Variants in ANKRD30BL observed in about 807,000 individuals in gnomAD.
ANKRD30BL encodes the protein ankyrin repeat domain 30B like.
In ANKRD30BL, 20 loss-of-function variants were observed where a neutral mutation model predicts 18.4. The ratio of observed to expected loss-of-function variants is 1.09; its 90% CI spans 0.77 to 1.58. ANKRD30BL has a LOEUF of 1.58. Among genes scored for constraint, ANKRD30BL ranks in the 40% most tolerant of loss-of-function variants. The pLI, the probability that ANKRD30BL is intolerant of heterozygous loss-of-function variation, is 0.00. For synonymous variants in ANKRD30BL, 72 were observed against 100.9 expected, an observed-to-expected ratio of 0.71 and a Z score of 1.72; for missense variants, 224 against 268.6, an observed-to-expected ratio of 0.83 and a Z score of 1.16.
intron 1 of ANKRD30BL, among the ~76,000 whole-genome samples, chr2:132,238,580 G>A (rs555053165): frequency 1.3e-4 from 19 of 151,774 alleles, no homozygotes; most frequent in African/African-American, 4.3e-4. Flanking sequence ...GTGGAAACTT[G>A]GTGCTCTTTG....
chr2:132,188,882 A>T (rs1678784450), intron 1 of ANKRD30BL, among the ~76,000 whole-genome samples: 1 of 152,212 alleles, frequency 6.6e-6, no homozygotes, highest in Admixed American at 6.5e-5. Context: ...ATTAAGTCAC[A>T]CTAGACAACT....
intron 1 of ANKRD30BL, among the ~76,000 whole-genome samples, chr2:132,198,325 T>TTTCTTTCTTTC: frequency 5.0e-4 from 1 of 2,000 alleles, no homozygotes; most frequent in South Asian, 0.013. Context: ...TCTTTCTTTC[T>TTTCTTTCTTTC]TTTTTTTTTT....
intron 1 of ANKRD30BL, among the ~76,000 whole-genome samples, chr2:132,195,805 A>G (rs1354650698): frequency 2.8e-5 from 4 of 145,428 alleles, no homozygotes; most frequent in Non-Finnish European, 5.9e-5. Context: ...AAAAAAAAAA[A>G]AAAAAAAGAA....
rs111581260 is a variant in ANKRD30BL, at chr2:132,186,126, C to CAA, written n.442-28982_442-28981dup. On this transcript the variant is annotated intron_variant and non_coding_transcript_variant, in intron 1 of 4. Transcript: ENST00000470729. ...ACCTGGGTGACAGAGCAAGATGTCTCAAAAAAAAAAAGAAAGAAAAATAAA... is the reference window on the plus strand; with the variant it reads ...ACCTGGGTGACAGAGCAAGATGTCTCAAAAAAAAAAAAAGAAAGAAAAATAAA... Among the ~76,000 whole-genome samples the CAA allele has an allele frequency of 4.6e-3, 567 of 123,386 alleles. 10 individuals carry two copies. Among genetic ancestry groups the CAA allele is most frequent in the African/African-American group, 0.016 (535 of 33,808 alleles). The allele number at this position is 123,386 out of a possible 152,430, so 80.9% of individuals were successfully genotyped here.
intron 1 of ANKRD30BL, among the ~76,000 whole-genome samples, chr2:132,201,583 C>G (rs1321294095): frequency 6.6e-6 from 1 of 152,116 alleles, no homozygotes; most frequent in Non-Finnish European, 1.5e-5. Context: ...AAATCAAAAC[C>G]ACAATGAGAT....
At chr2:132,159,125 C>T (rs62161662) in intron 1 of ANKRD30BL, among the ~76,000 whole-genome samples, 16,939 of 129,714 alleles carry the variant, frequency 0.13, 1,154 homozygotes, top group East Asian at 0.32. Flanking sequence ...CTTCAGATAA[C>T]ACAAGACTGT....
At chr2:132,215,296 G>A (rs1448953385) in intron 1 of ANKRD30BL, among the ~76,000 whole-genome samples, 1 of 152,240 alleles carries the variant, frequency 6.6e-6, no homozygotes, top group Non-Finnish European at 1.5e-5. Flanking sequence ...TCTTTTTGTA[G>A]AATCTGTAAG....
chr2:132,161,514 G>A lies in ANKRD30BL; in HGVS notation c.192C>T (p.Asp64=), dbSNP rs755573496. The change falls in exon 1 of 6, where the codon GAC becomes GAT. Residue 64 remains aspartate (D), a synonymous_variant. Transcript: ENST00000409867. ...TCTTCTTCGCATCTCTTATGTTCAG[G>A]TCCATTGTCGTCTTCTTCATCATCC... ...LERMMKKTTM[D]LNIRDAKKRT... 3 of 1,456,670 alleles carry A rather than the reference G, an allele frequency of 2.1e-6. No homozygotes were observed. The highest frequency in any genetic ancestry group is 1.2e-5 in the South Asian group (1 of 82,054). 90.2% of individuals were successfully genotyped at this position (1,456,670 alleles called of 1,614,324 possible).
intron 1 of ANKRD30BL, among the ~76,000 whole-genome samples, chr2:132,175,416 A>G (rs971070241): frequency 2.6e-5 from 4 of 152,252 alleles, no homozygotes; most frequent in Non-Finnish European, 5.9e-5. Context: ...CATTGCTGCC[A>G]ACATGTCTTG....
chr2:132,216,197 TAGAC>T (rs1679494113), intron 1 of ANKRD30BL, among the ~76,000 whole-genome samples: 1 of 151,982 alleles, frequency 6.6e-6, no homozygotes, highest in South Asian at 2.1e-4. Flanking sequence ...ACTTAAATAG[TAGAC>T]AGAAGAATTC....
intron 1 of ANKRD30BL, among the ~76,000 whole-genome samples, chr2:132,232,693 C>T (rs966225007): frequency 6.6e-6 from 1 of 152,048 alleles, no homozygotes; most frequent in African/African-American, 2.4e-5. Flanking sequence ...TGTGAAAAGA[C>T]CAAATCTACT....
intron 1 of ANKRD30BL, among the ~76,000 whole-genome samples, chr2:132,199,577 G>T (rs1318306214): frequency 6.6e-6 from 1 of 151,150 alleles, no homozygotes; most frequent in Admixed American, 6.6e-5. Flanking sequence ...CGGGATCTCG[G>T]CTCACTTCAA....
At chr2:132,184,070 G>A (rs1352207288) in intron 1 of ANKRD30BL, among the ~76,000 whole-genome samples, 6 of 152,054 alleles carry the variant, frequency 3.9e-5, no homozygotes, top group Non-Finnish European at 7.4e-5. Context: ...AGGGGATAAA[G>A]GAATCAAGAT....
intron 1 of ANKRD30BL, among the ~76,000 whole-genome samples, chr2:132,188,635 G>C (rs1444642343): frequency 1.3e-5 from 2 of 152,066 alleles, no homozygotes; most frequent in Non-Finnish European, 2.9e-5. Context: ...GCGTGAACCC[G>C]GGAGGTGGAG....
At chr2:132,222,654 C>T (rs1324381821) in intron 1 of ANKRD30BL, among the ~76,000 whole-genome samples, 2 of 151,578 alleles carry the variant, frequency 1.3e-5, no homozygotes, top group African/African-American at 4.8e-5. Context: ...CATTAAGAGT[C>T]ATCACCACTC....
chr2:132,154,643 A>AT lies in ANKRD30BL; in HGVS notation c.614+18dup, dbSNP rs752264763. Reference sequence around the variant, plus strand: ...TAGCACACTACTCAAGTGTTTTTTAATAAAAAAAACTACTATACCATTTAA... The same window carrying AT: ...TAGCACACTACTCAAGTGTTTTTTAATTAAAAAAAACTACTATACCATTTAA... On this transcript the variant is annotated intron_variant, in intron 4 of 5. Transcript: ENST00000409867. The AT allele has an allele frequency of 2.7e-4, 163 of 608,264 alleles. No individual in the cohort carries two copies. The highest frequency in any genetic ancestry group is 6.1e-4 in the Admixed American group (21 of 34,392). 37.7% of individuals were successfully genotyped at this position (608,264 alleles called of 1,614,324 possible). A position where few individuals can be genotyped will look rare whatever the true frequency, so the allele number is the denominator to read the frequency against.
chr2:132,225,051 A>T (rs1442737012), intron 1 of ANKRD30BL, among the ~76,000 whole-genome samples: 4 of 152,094 alleles, frequency 2.6e-5, no homozygotes, highest in Admixed American at 6.6e-5. Flanking sequence ...CAGAGACTTG[A>T]ACATTCTTAA....
intron 1 of ANKRD30BL, among the ~76,000 whole-genome samples, chr2:132,223,838 A>G (rs568096901): frequency 6.6e-6 from 1 of 152,248 alleles, no homozygotes; most frequent in South Asian, 2.1e-4. Flanking sequence ...GTCATTTGCT[A>G]TGTTTGCCTT....
At chr2:132,167,479 C>T (rs570705196) in intron 1 of ANKRD30BL, among the ~76,000 whole-genome samples, 4 of 152,206 alleles carry the variant, frequency 2.6e-5, no homozygotes, top group Admixed American at 1.3e-4. Flanking sequence ...TGTGCCACAA[C>T]ACCCAGCTAA....
Sources: allele counts gnomAD v4.1 joint callset (sites outside exome capture counted in the v4.1 genomes callset), GRCh38; gene constraint gnomAD v4.1.1; transcripts MANE v1.5; gene names NCBI Gene and HGNC (gene_info 2026-07-23, HGNC 2026-07-21).